The following LINC00632 variants were observed in gnomAD, a reference collection of about 807,000 sequenced individuals.
LINC00632 encodes long independently transcribed non-coding RNA 632.
chrX:140,771,678 TATA>T (rs1931798962), intron 3 of LINC00632, among the ~76,000 whole-genome samples: 42 of 19,661 alleles, frequency 2.1e-3, no homozygotes, highest in Non-Finnish European at 2.6e-3. Flanking sequence ...TATATATATA[TATA>T]TATATTTTTT....
At chrX:140,788,021 C>G (rs1288566222) in exon 5 of LINC00632, among the ~76,000 whole-genome samples, 3 of 109,790 alleles carry the variant, frequency 2.7e-5, no homozygotes, top group Non-Finnish European at 5.7e-5. Context: ...ATTAAGATAT[C>G]AAGTCTCAAA....
intron 2 of LINC00632, among the ~76,000 whole-genome samples, chrX:140,726,698 A>G (rs774215505): frequency 8.9e-6 from 1 of 111,925 alleles, no homozygotes; most frequent in Non-Finnish European, 1.9e-5. Flanking sequence ...ATCAGAGCAG[A>G]CACTCCACCC....
At chrX:140,763,010 T>C (rs1267254271) in intron 3 of LINC00632, among the ~76,000 whole-genome samples, 1 of 112,084 alleles carries the variant, frequency 8.9e-6, no homozygotes, top group Admixed American at 9.5e-5. Context: ...GTGGTTAGTA[T>C]ATTTTTTGCA....
At chrX:140,724,964 G>C (rs778634946) in intron 2 of LINC00632, among the ~76,000 whole-genome samples, 57 of 32,035 alleles carry the variant, frequency 1.8e-3, no homozygotes, top group Non-Finnish European at 3.0e-3. Flanking sequence ...TACACACACA[G>C]AGACACATTC....
At chrX:140,769,486 C>G (rs182956425) in intron 3 of LINC00632, among the ~76,000 whole-genome samples, 23 of 109,588 alleles carry the variant, frequency 2.1e-4, no homozygotes, top group East Asian at 2.0e-3. Flanking sequence ...CCACCCCCCC[C>G]ATGAAAGCAA....
At chrX:140,757,787 G>C (rs775155173) in intron 3 of LINC00632, among the ~76,000 whole-genome samples, 31 of 110,832 alleles carry the variant, frequency 2.8e-4, no homozygotes, top group Non-Finnish European at 4.9e-4. Flanking sequence ...GGCTAGTCTC[G>C]AACTCCTGAC....
At chrX:140,733,521 T>G (rs912276015) in intron 2 of LINC00632, among the ~76,000 whole-genome samples, 3 of 112,030 alleles carry the variant, frequency 2.7e-5, no homozygotes, top group African/African-American at 9.7e-5. Context: ...TCTTTGAAGA[T>G]GTAGTGAAAT....
intron 3 of LINC00632, among the ~76,000 whole-genome samples, chrX:140,766,744 TAAC>T (rs902523836): frequency 7.1e-5 from 8 of 112,097 alleles, no homozygotes; most frequent in African/African-American, 2.6e-4. Flanking sequence ...ATAAATGAAA[TAAC>T]AAAGAAAGAA....
chrX:140,737,563 C>A (rs950379935), intron 3 of LINC00632, among the ~76,000 whole-genome samples: 3 of 111,351 alleles, frequency 2.7e-5, no homozygotes, highest in Non-Finnish European at 5.7e-5. Flanking sequence ...GAACTTATTC[C>A]TTCTATTTAA....
At chrX:140,776,748 C>T (rs1220589753) in exon 5 of LINC00632, among the ~76,000 whole-genome samples, 2 of 111,427 alleles carry the variant, frequency 1.8e-5, no homozygotes, top group East Asian at 5.7e-4. Flanking sequence ...CCTCAAGGAT[C>T]TAGAACCAGA....
At chrX:140,711,923 C>G (rs1930525025) in intron 2 of LINC00632, 1 of 128,385 alleles carries the variant, frequency 7.8e-6, no homozygotes, top group African/African-American at 3.3e-5. Flanking sequence ...CAATTAACTC[C>G]TTAATCCACC....
intron 3 of LINC00632, among the ~76,000 whole-genome samples, chrX:140,755,174 G>T (rs1931473556): frequency 8.9e-6 from 1 of 111,840 alleles, no homozygotes; most frequent in African/African-American, 3.2e-5. Context: ...GACACTACAG[G>T]TGCTTGAAAA....
At chrX:140,782,757 A>G (rs937578118) in exon 5 of LINC00632, 1 of 111,646 alleles carries the variant, frequency 9.0e-6, no homozygotes, top group Non-Finnish European at 1.9e-5. Context: ...AGGTACATCA[A>G]TATCCTCAAT....
At chrX:140,716,780 T>TACACACACACACACACAC (rs200811174) in intron 2 of LINC00632, among the ~76,000 whole-genome samples, 5 of 89,813 alleles carry the variant, frequency 5.6e-5, no homozygotes, top group Non-Finnish European at 8.9e-5. Context: ...GCCCACAACA[T>TACACACACACACACACAC]ACACACACAC....
chrX:140,776,994 C>G (rs1371410708), exon 5 of LINC00632, among the ~76,000 whole-genome samples: 1 of 110,257 alleles, frequency 9.1e-6, no homozygotes, highest in Non-Finnish European at 1.9e-5. Flanking sequence ...TTTGTGGGTA[C>G]ATGGATGAAG....
At chrX:140,769,481 C>T (rs111939648) in intron 3 of LINC00632, among the ~76,000 whole-genome samples, 2 of 109,423 alleles carry the variant, frequency 1.8e-5, no homozygotes, top group Non-Finnish European at 1.9e-5. Context: ...CCACCCCACC[C>T]CCCCCATGAA....
chrX:140,724,149 CACACAGACACATTCCATACACAT>C (rs1930847744), intron 2 of LINC00632, among the ~76,000 whole-genome samples: 2 of 88,303 alleles, frequency 2.3e-5, no homozygotes, highest in African/African-American at 4.0e-5. Context: ...ATTCCATACA[CACACAGACACATTCCATACACAT>C]ACACAGACAC....
chrX:140,760,308 C>A lies in LINC00632; in HGVS notation n.192-11770C>A, dbSNP rs1931577364. 7.2e-5 allele frequency among the ~76,000 whole-genome samples: 8 copies of A among 111,791 alleles called. No homozygotes were observed. The Admixed American group carries it at 7.6e-4, about 11-fold the overall frequency. On this transcript the variant is annotated intron_variant and non_coding_transcript_variant, in intron 3 of 4. Coordinates refer to ENST00000648200, the Ensembl canonical transcript of LINC00632. Reference sequence around the variant, plus strand: ...CAGGTAGAAAATGCCGAGTGCCCTACAAGAAACTCAGACATAGGGCTATAA... The same window carrying A: ...CAGGTAGAAAATGCCGAGTGCCCTAAAAGAAACTCAGACATAGGGCTATAA...
intron 3 of LINC00632, among the ~76,000 whole-genome samples, chrX:140,734,518 C>T (rs878860950): frequency 1.8e-5 from 2 of 110,257 alleles, no homozygotes; most frequent in Admixed American, 2.0e-4. Context: ...TTCAACTTCC[C>T]TCACATAATG....
Sources: gnomAD v4.1 joint callset for allele counts (sites outside exome capture counted in the v4.1 genomes callset) on GRCh38, gnomAD v4.1.1 for gene constraint, MANE v1.5 for transcripts, NCBI Gene and HGNC (gene_info 2026-07-23, HGNC 2026-07-21) for gene names.